Variants in INO80 observed in about 807,000 individuals in gnomAD.
The protein encoded by INO80 is chromatin-remodeling ATPase INO80.
INO80 carries 20 observed loss-of-function variants against 203.4 expected under a neutral mutation model. That is an observed-to-expected ratio of 0.10 (90% CI 0.07 to 0.14). INO80 has a LOEUF of 0.14. Ranked by LOEUF, INO80 falls within the 10% of genes least tolerant of loss-of-function variation. The pLI, the probability that INO80 is intolerant of heterozygous loss-of-function variation, is 1.00. For synonymous variants in INO80, 726 were observed against 685.2 expected (o/e 1.06, Z -0.93); for missense variants, 1,419 against 1,914.4 (o/e 0.74, Z 4.83).
intron 1 of INO80, among the ~76,000 whole-genome samples, chr15:41,115,560 G>A (rs1315975370): frequency 2.0e-5 from 3 of 152,126 alleles, no homozygotes; most frequent in Admixed American, 6.6e-5. Context: ...TAAAATGACA[G>A]ATACACAACC....
At chr15:41,066,374 C>G (rs1250061646) in intron 14 of INO80, among the ~76,000 whole-genome samples, 1 of 151,996 alleles carries the variant, frequency 6.6e-6, no homozygotes, top group Admixed American at 6.6e-5. Context: ...CAAGGCTGTT[C>G]TTGAACTTCT....
At chr15:41,027,459 T>G in intron 25 of INO80, 137 bp downstream of exon 25, 1 of 735,974 alleles carries the variant, frequency 1.4e-6, no homozygotes, top group Non-Finnish European at 2.1e-6. Context: ...ATGCCCACAT[T>G]TTAAAATACT....
intron 9 of INO80, 117 bp downstream of exon 9, chr15:41,079,584 A>AC (rs1363209773): frequency 2.4e-5 from 24 of 1,012,330 alleles, no homozygotes; most frequent in Non-Finnish European, 3.3e-5. Flanking sequence ...CAAAAAAAAA[A>AC]AAAAAACAAA....
chr15:41,040,033 T>C (rs942153896), intron 24 of INO80, among the ~76,000 whole-genome samples: 1 of 152,066 alleles, frequency 6.6e-6, no homozygotes, highest in Admixed American at 6.6e-5. Context: ...CCTAGACTGC[T>C]AAAAAGAGGT....
chr15:41,028,399 G>A (rs2044409792), intron 24 of INO80, among the ~76,000 whole-genome samples: 1 of 152,156 alleles, frequency 6.6e-6, no homozygotes, highest in Non-Finnish European at 1.5e-5. Context: ...GCCTCCCAAA[G>A]TGCTGGGATT....
intron 27 of INO80, among the ~76,000 whole-genome samples, chr15:41,009,301 A>AT (rs1169801962): frequency 4.7e-5 from 7 of 150,004 alleles, no homozygotes; most frequent in Non-Finnish European, 7.4e-5. Flanking sequence ...TTACATATGT[A>AT]TACATGTGCC....
At chr15:41,038,553 A>C (rs2044617601) in intron 24 of INO80, among the ~76,000 whole-genome samples, 1 of 152,130 alleles carries the variant, frequency 6.6e-6, no homozygotes, top group Non-Finnish European at 1.5e-5. Context: ...TTTTTGCTTT[A>C]AACTTGATAT....
At position 40,987,891 on chromosome 15, in the gene INO80, C is replaced by T. The variant is rs1487113615; in HGVS notation, c.3654G>A (p.Gln1218=). ...TACAGATGAGCCGGTACACAGTAACCTGCTTTGTCTGCCCTAAGCGGTGGG... is the reference window on the plus strand; with the variant it reads ...TACAGATGAGCCGGTACACAGTAACTTGCTTTGTCTGCCCTAAGCGGTGGG... ...DRAHRLGQTK[Q]VTVYRLICKG... The change falls in exon 30 of 36, where the codon CAG becomes CAA. Residue 1218 remains glutamine (Q), a synonymous_variant. Coordinates refer to ENST00000648947, the MANE Select transcript of INO80 (RefSeq NM_017553.3). The T allele has an allele frequency of 1.9e-6, 3 of 1,614,110 alleles. No homozygotes were observed. Among genetic ancestry groups the T allele is most frequent in the East Asian group, 2.2e-5 (1 of 44,884 alleles).
chr15:41,014,714 C>T (rs2044178547), intron 27 of INO80, among the ~76,000 whole-genome samples: 1 of 152,138 alleles, frequency 6.6e-6, no homozygotes, highest in African/African-American at 2.4e-5. Flanking sequence ...ATTTATGTCT[C>T]TTGCTAAAAG....
chr15:41,102,906 A>G (rs1302256521), intron 1 of INO80, among the ~76,000 whole-genome samples: 1 of 152,174 alleles, frequency 6.6e-6, no homozygotes, highest in African/African-American at 2.4e-5. Context: ...AAGTTCTGTC[A>G]TCTATTCCTA....
chr15:41,094,555 C>T (rs1242388471), intron 4 of INO80, among the ~76,000 whole-genome samples: 2 of 152,134 alleles, frequency 1.3e-5, no homozygotes, highest in Non-Finnish European at 2.9e-5. Flanking sequence ...CAACCATAAT[C>T]GTACCTGGCA....
At chr15:41,071,810 A>C (rs747093319) in intron 12 of INO80, 39 bp downstream of exon 12, 18 of 1,504,718 alleles carry the variant, frequency 1.2e-5, no homozygotes, top group Non-Finnish European at 1.0e-5. Context: ...CTTTAGGAAA[A>C]GAGATAATAG....
chr15:41,057,692 G>T (rs1458000544), intron 16 of INO80, among the ~76,000 whole-genome samples: 1 of 150,578 alleles, frequency 6.6e-6, no homozygotes, highest in Admixed American at 6.6e-5. Flanking sequence ...AGCTACTCGG[G>T]AGGCTGAGGC....
At chr15:41,102,259 A>C (rs1012674340) in intron 1 of INO80, among the ~76,000 whole-genome samples, 4 of 152,206 alleles carry the variant, frequency 2.6e-5, no homozygotes, top group African/African-American at 7.2e-5. Context: ...TTGCATTTTA[A>C]AGTACATACT....
intron 1 of INO80, among the ~76,000 whole-genome samples, chr15:41,105,788 T>C (rs1403491924): frequency 6.6e-6 from 1 of 152,242 alleles, no homozygotes; most frequent in Non-Finnish European, 1.5e-5. Context: ...GTTGGTTCCT[T>C]TGCTCCTTCG....
chr15:40,980,419 A>G lies in INO80; in HGVS notation c.4475T>C (p.Leu1492Pro). Residue 1492 changes from leucine (L) to proline (P), a missense_variant, in exon 36 of 36, where the codon CTG becomes CCG. Leu to Pro is a moderately conservative substitution (Grantham distance 98). Around this residue, in one of 9 missense-constraint regions of INO80, gnomAD observed 112 missense variants for 106.2 expected, o/e 1.05. Coordinates refer to ENST00000648947, the MANE Select transcript of INO80 (RefSeq NM_017553.3). ...AGCAGGCCGAACAAGGGATGTCTGC[A>G]GAGGACTGCTGGCGGAGATTCCTGT... is the stretch of plus-strand genomic sequence containing the variant. ...VSKGISASSP[L>P]QTSLVRPAGL... is the part of the protein sequence containing the mutation. 1 of 1,613,422 alleles carries G rather than the reference A, an allele frequency of 6.2e-7. No individual in the cohort carries two copies. Among genetic ancestry groups the G allele is most frequent in the Non-Finnish European group, 8.5e-7 (1 of 1,179,928 alleles).
intron 9 of INO80, 104 bp downstream of exon 9, chr15:41,079,597 A>AT: frequency 2.8e-6 from 3 of 1,089,116 alleles, no homozygotes; most frequent in Non-Finnish European, 4.1e-6. Flanking sequence ...AAAACAAAAA[A>AT]TTGACAGTGT....
intron 29 of INO80, among the ~76,000 whole-genome samples, chr15:40,989,504 A>G (rs190448127): frequency 6.6e-6 from 1 of 152,356 alleles, no homozygotes; most frequent in Admixed American, 6.5e-5. Flanking sequence ...CCACTGCTTC[A>G]AAAATGAACC....
At chr15:41,036,820 G>A (rs768261776) in intron 24 of INO80, among the ~76,000 whole-genome samples, 40 of 152,162 alleles carry the variant, frequency 2.6e-4, no homozygotes, top group African/African-American at 9.2e-4. Flanking sequence ...GGTGGCTCAC[G>A]ACTGTAATCC....
Sources: gnomAD v4.1 joint callset for allele counts (sites outside exome capture counted in the v4.1 genomes callset) on GRCh38, gnomAD v4.1.1 for gene constraint, gnomAD v4.1.1 regional missense constraint, MANE v1.5 for transcripts, NCBI Gene and HGNC (gene_info 2026-07-23, HGNC 2026-07-21) for gene names.